CTDSPL2: variants seen among roughly 807,000 people sequenced by gnomAD.
CTDSPL2 encodes the protein CTD small phosphatase like 2.
A neutral mutation model predicts 60.0 loss-of-function variants in CTDSPL2; 5 were observed. The observed-to-expected ratio is 0.08, with a 90% CI of 0.04 to 0.18. The LOEUF (loss-of-function observed/expected upper bound fraction) is 0.18, where lower values mean the gene tolerates loss of function less well. Ranked by LOEUF, CTDSPL2 falls within the 10% of genes least tolerant of loss-of-function variation. The pLI, the probability that CTDSPL2 is intolerant of heterozygous loss-of-function variation, is 1.00. For missense variants in CTDSPL2, 370 were observed against 548.8 expected, an observed-to-expected ratio of 0.67 and a Z score of 3.26; for synonymous variants, 186 against 189.3, an observed-to-expected ratio of 0.98 and a Z score of 0.14.
chr15:44,467,972 T>C (rs949895862), intron 2 of CTDSPL2, among the ~76,000 whole-genome samples: 2 of 152,198 alleles, frequency 1.3e-5, no homozygotes, highest in South Asian at 4.1e-4. Flanking sequence ...TTAAGAATTT[T>C]TGTATCTGTA....
chr15:44,460,460 G>C (rs1002583006), intron 2 of CTDSPL2, among the ~76,000 whole-genome samples: 1 of 152,120 alleles, frequency 6.6e-6, no homozygotes, highest in African/African-American at 2.4e-5. Flanking sequence ...TATTGATTGT[G>C]TGTAGTTTTT....
At position 44,459,323 on chromosome 15, in the gene CTDSPL2, C is replaced by G. The variant is rs558979156; in HGVS notation, c.186+123C>G. 108 of 565,382 alleles carry G rather than the reference C, an allele frequency of 1.9e-4. 1 individual carries two copies. The highest frequency in any genetic ancestry group is 7.9e-5 in the African/African-American group (4 of 50,366). 35.0% of individuals were successfully genotyped at this position (565,382 alleles called of 1,614,324 possible). ...CAGGTGGATCACGAGGTCAGGAGAT[C>G]GAGACCATCCTGGCTAACACGGTGA... On this transcript the variant is annotated intron_variant, in intron 2 of 12. Coordinates refer to ENST00000260327, the MANE Select transcript of CTDSPL2 (RefSeq NM_016396.3).
At chr15:44,477,985 T>C (rs2080952800) in intron 2 of CTDSPL2, among the ~76,000 whole-genome samples, 1 of 152,232 alleles carries the variant, frequency 6.6e-6, no homozygotes, top group Admixed American at 6.5e-5. Context: ...TTCTCACCAA[T>C]TTTCTTAGTT....
intron 3 of CTDSPL2, 54 bp from the exon 4 acceptor site, chr15:44,486,497 C>T (rs899975508): frequency 3.2e-6 from 4 of 1,269,008 alleles, no homozygotes; most frequent in Non-Finnish European, 4.3e-6. Context: ...TTATAACACA[C>T]TTCTGAAATT....
intron 1 of CTDSPL2, chr15:44,449,257 C>T (rs1266042684): frequency 3.9e-6 from 1 of 257,202 alleles, no homozygotes; most frequent in Non-Finnish European, 8.1e-6. Flanking sequence ...AGTGGTCTTC[C>T]ACTCAGACTA....
At chr15:44,522,027 AT>A (rs922863000) in intron 12 of CTDSPL2, among the ~76,000 whole-genome samples, 4 of 149,242 alleles carry the variant, frequency 2.7e-5, no homozygotes, top group Admixed American at 2.7e-4. Flanking sequence ...GTTGAAAAAG[AT>A]TATGTGCATT....
At chr15:44,466,816 G>GC (rs2080705074) in intron 2 of CTDSPL2, among the ~76,000 whole-genome samples, 6 of 151,994 alleles carry the variant, frequency 3.9e-5, no homozygotes, top group African/African-American at 7.2e-5. Context: ...GCGGGCGCCT[G>GC]TAGTCCCAGC....
intron 1 of CTDSPL2, among the ~76,000 whole-genome samples, chr15:44,436,503 G>A (rs2079984897): frequency 6.6e-6 from 1 of 152,144 alleles, no homozygotes; most frequent in African/African-American, 2.4e-5. Flanking sequence ...CATGTGAAAT[G>A]CCAGATCTGA....
rs75179450 is a variant in CTDSPL2 at position 44,490,820 on chromosome 15, A to G, written c.512A>G (p.Glu171Gly). ...TCAGATTCTCCAGGACAGGCTGTGGAAGCTGAAGAAATAGTAAAACAACTT... is the reference window on the plus strand; with the variant it reads ...TCAGATTCTCCAGGACAGGCTGTGGGAGCTGAAGAAATAGTAAAACAACTT... ...SGSDSPGQAV[E>G]AEEIVKQLDM... The change falls in exon 5 of 13, where the codon GAA (glutamate) becomes GGA (glycine). Residue 171 changes from glutamate to glycine, a missense_variant. By Grantham distance (98) the Glu-to-Gly change is moderately conservative. Coordinates refer to ENST00000260327, the MANE Select transcript of CTDSPL2 (RefSeq NM_016396.3). 1 of 1,613,360 alleles carries G rather than the reference A, an allele frequency of 6.2e-7. No homozygotes were observed. Among genetic ancestry groups the G allele is most frequent in the Non-Finnish European group, 8.5e-7 (1 of 1,180,002 alleles).
chr15:44,524,030 G>A, intron 12 of CTDSPL2, 79 bp from the exon 13 acceptor site: 1 of 1,105,336 alleles, frequency 9.0e-7, no homozygotes, highest in Non-Finnish European at 1.4e-6. Flanking sequence ...TGTTTTCTCT[G>A]CAAGGTAAGA....
chr15:44,475,847 A>G (rs1489058035), intron 2 of CTDSPL2, among the ~76,000 whole-genome samples: 1 of 152,196 alleles, frequency 6.6e-6, no homozygotes, highest in Admixed American at 6.5e-5. Context: ...AAGATGTAGT[A>G]AGACAACCTT....
intron 8 of CTDSPL2, among the ~76,000 whole-genome samples, chr15:44,506,025 C>CGTTTTTTTTTTTTTTTTTTTT (rs1555439067): frequency 8.5e-6 from 1 of 117,580 alleles, no homozygotes; most frequent in South Asian, 2.8e-4. Context: ...TCATTGGTAA[C>CGTTTTTTTTTTTTTTTTTTTT]TTTTTTTTTT....
intron 3 of CTDSPL2, among the ~76,000 whole-genome samples, chr15:44,486,119 T>C (rs1454935850): frequency 6.6e-6 from 1 of 152,228 alleles, no homozygotes; most frequent in Non-Finnish European, 1.5e-5. Context: ...CTCTATTCAT[T>C]TCGCTGTCAT....
At chr15:44,485,044 G>A (rs182661816) in intron 3 of CTDSPL2, among the ~76,000 whole-genome samples, 2 of 152,240 alleles carry the variant, frequency 1.3e-5, no homozygotes, top group East Asian at 3.9e-4. Flanking sequence ...GCATCACTTA[G>A]TCCAGTAGGT....
intron 1 of CTDSPL2, among the ~76,000 whole-genome samples, chr15:44,440,341 G>C (rs773735128): frequency 1.9e-4 from 29 of 151,760 alleles, no homozygotes; most frequent in Non-Finnish European, 3.5e-4. Context: ...GATTACAGGT[G>C]CGCACCACCA....
At chr15:44,459,276 C>A in intron 2 of CTDSPL2, 76 bp downstream of exon 2, 1 of 1,078,018 alleles carries the variant, frequency 9.3e-7, no homozygotes, top group East Asian at 2.8e-5. Flanking sequence ...GCCTGTAATC[C>A]CAGCACTTTG....
intron 2 of CTDSPL2, among the ~76,000 whole-genome samples, chr15:44,480,618 A>G (rs1243160911): frequency 6.6e-6 from 1 of 152,162 alleles, no homozygotes; most frequent in Non-Finnish European, 1.5e-5. Context: ...GGATAGCTTG[A>G]GGCTAGGAGT....
At chr15:44,432,431 C>T (rs1401564350) in intron 1 of CTDSPL2, among the ~76,000 whole-genome samples, 8 of 148,886 alleles carry the variant, frequency 5.4e-5, no homozygotes, top group African/African-American at 7.5e-5. Context: ...GCAATTCTCC[C>T]GCTTCAGCCT....
intron 2 of CTDSPL2, among the ~76,000 whole-genome samples, chr15:44,469,778 G>A (rs1293965494): frequency 2.0e-5 from 3 of 152,038 alleles, no homozygotes; most frequent in Non-Finnish European, 4.4e-5. Context: ...TAAAGTGAAA[G>A]CAAGTTTATT....
Sources: allele counts gnomAD v4.1 joint callset (sites outside exome capture counted in the v4.1 genomes callset), GRCh38; gene constraint gnomAD v4.1.1; transcripts MANE v1.5; gene names NCBI Gene and HGNC (gene_info 2026-07-23, HGNC 2026-07-21).